The following MEI4 variants were observed in gnomAD, a reference collection of about 807,000 sequenced individuals.
The protein encoded by MEI4 is meiosis-specific protein MEI4.
In MEI4, 27 loss-of-function variants were observed where a neutral mutation model predicts 31.4. The ratio of observed to expected loss-of-function variants is 0.86; its 90% CI spans 0.63 to 1.19. The LOEUF is 1.19. Ranked by LOEUF, MEI4 falls within the 50% of genes most tolerant of loss-of-function variation. MEI4 has a pLI of 0.00. For missense variants in MEI4, 329 were observed against 398.9 expected, an observed-to-expected ratio of 0.82 and a Z score of 1.49; for synonymous variants, 122 against 145.4, an observed-to-expected ratio of 0.84 and a Z score of 1.16.
chr6:77,792,078 GT>G (rs1156230674), intron 3 of MEI4, among the ~76,000 whole-genome samples: 1 of 152,098 alleles, frequency 6.6e-6, no homozygotes, highest in East Asian at 1.9e-4. Flanking sequence ...TTCACCTAAT[GT>G]AATGTCCTCC....
At chr6:77,730,853 C>T (rs540463753) in intron 2 of MEI4, among the ~76,000 whole-genome samples, 10 of 149,654 alleles carry the variant, frequency 6.7e-5, no homozygotes, top group African/African-American at 9.9e-5. Context: ...GTTCAATTCC[C>T]GCCTATGAGT....
intron 4 of MEI4, among the ~76,000 whole-genome samples, chr6:77,872,102 CT>C (rs1166299449): frequency 6.6e-6 from 1 of 152,148 alleles, no homozygotes. Flanking sequence ...ACCAATATTT[CT>C]TCAGCTCCCT....
At chr6:77,794,290 G>A (rs571182644) in intron 3 of MEI4, among the ~76,000 whole-genome samples, 36 of 152,204 alleles carry the variant, frequency 2.4e-4, no homozygotes, top group African/African-American at 8.4e-4. Flanking sequence ...CAGGCCAGGC[G>A]CGGTGGCTGA....
At chr6:77,828,524 T>C (rs529789874) in intron 3 of MEI4, among the ~76,000 whole-genome samples, 4 of 152,016 alleles carry the variant, frequency 2.6e-5, no homozygotes, top group African/African-American at 9.6e-5. Context: ...CATGGAAAAA[T>C]TGTCTTCCAC....
At chr6:77,678,023 C>T (rs1014041612) in intron 1 of MEI4, among the ~76,000 whole-genome samples, 2 of 152,280 alleles carry the variant, frequency 1.3e-5, no homozygotes, top group East Asian at 3.9e-4. Context: ...GAAAAATTTT[C>T]ATGGTTTTAA....
At chr6:77,902,206 C>T (rs567984819) in intron 4 of MEI4, among the ~76,000 whole-genome samples, 5 of 152,038 alleles carry the variant, frequency 3.3e-5, no homozygotes, top group East Asian at 3.9e-4. Flanking sequence ...TAGCTCTTCA[C>T]GATTATTAAA....
chr6:77,911,945 T>C (rs1766444185), intron 4 of MEI4, among the ~76,000 whole-genome samples: 1 of 151,894 alleles, frequency 6.6e-6, no homozygotes, highest in African/African-American at 2.4e-5. Flanking sequence ...TTCTTCTAGT[T>C]GTTTCATAGC....
At chr6:77,730,867 A>T (rs1766966989) in intron 2 of MEI4, among the ~76,000 whole-genome samples, 1 of 147,428 alleles carries the variant, frequency 6.8e-6, no homozygotes, top group Admixed American at 7.0e-5. Flanking sequence ...TATGAGTGAG[A>T]ATATGCAGTG....
intron 3 of MEI4, among the ~76,000 whole-genome samples, chr6:77,775,073 T>C (rs1768404982): frequency 6.6e-6 from 1 of 152,136 alleles, no homozygotes. Context: ...CTAATATCTC[T>C]CTGCCTCTCT....
intron 4 of MEI4, among the ~76,000 whole-genome samples, chr6:77,917,040 G>T (rs569346391): frequency 1.3e-5 from 2 of 150,708 alleles, no homozygotes. Context: ...TTGTTCTTGC[G>T]ATAGTTTACT....
chr6:77,727,821 C>G (rs1273160864), intron 2 of MEI4, among the ~76,000 whole-genome samples: 1 of 152,178 alleles, frequency 6.6e-6, no homozygotes, highest in Non-Finnish European at 1.5e-5. Context: ...ATGTTCTGGT[C>G]ACAGTAAGGC....
chr6:77,674,810 C>T (rs1439612206), intron 1 of MEI4, among the ~76,000 whole-genome samples: 2 of 152,120 alleles, frequency 1.3e-5, no homozygotes, highest in Non-Finnish European at 2.9e-5. Context: ...TCCTCCTTCA[C>T]CTGCAGAAGT....
intron 3 of MEI4, among the ~76,000 whole-genome samples, chr6:77,775,338 C>A (rs1191610127): frequency 6.6e-6 from 1 of 152,098 alleles, no homozygotes; most frequent in Non-Finnish European, 1.5e-5. Flanking sequence ...CATTCCCCTC[C>A]CACCCTTTCC....
At chr6:77,892,000 C>A (rs2127732357) in intron 4 of MEI4, among the ~76,000 whole-genome samples, 1 of 152,324 alleles carries the variant, frequency 6.6e-6, no homozygotes, top group African/African-American at 2.4e-5. Flanking sequence ...TCCTTGGGCA[C>A]AGGTTTGCCA....
Position 77,874,803 on chromosome 6 carries a change from T to C in MEI4, c.900+45741T>C, listed in dbSNP as rs554573448. Among the ~76,000 whole-genome samples, 211 of 152,218 alleles carry C rather than the reference T, an allele frequency of 1.4e-3. 1 individual carries two copies. Among genetic ancestry groups the C allele is most frequent in the African/African-American group, 4.5e-3 (185 of 41,516 alleles). On this transcript the variant is annotated intron_variant, in intron 4 of 4. Transcript: ENST00000684080. ...CCATCAGTACCTAATTTGTTGAGAGTTTTTAGCATGAAGAGTTGTTGAATT... is the reference window on the plus strand; with the variant it reads ...CCATCAGTACCTAATTTGTTGAGAGCTTTTAGCATGAAGAGTTGTTGAATT...
At chr6:77,884,866 GA>G (rs1771582524) in intron 4 of MEI4, among the ~76,000 whole-genome samples, 1 of 152,040 alleles carries the variant, frequency 6.6e-6, no homozygotes, top group African/African-American at 2.4e-5. Context: ...CAAATATTAG[GA>G]TTTTTTTTCT....
intron 3 of MEI4, among the ~76,000 whole-genome samples, chr6:77,817,185 A>AT (rs563184951): frequency 1.3e-5 from 2 of 152,096 alleles, no homozygotes; most frequent in Admixed American, 1.3e-4. Flanking sequence ...TAAGGGCAGA[A>AT]TTTTTTTCTA....
intron 4 of MEI4, among the ~76,000 whole-genome samples, chr6:77,871,647 G>A (rs1771195844): frequency 6.6e-6 from 1 of 151,942 alleles, no homozygotes; most frequent in Non-Finnish European, 1.5e-5. Flanking sequence ...CTCAGCACCA[G>A]GCAATATACA....
At position 77,924,486 on chromosome 6, in the gene MEI4, ATATC is replaced by A. The variant is rs1371677226; in HGVS notation, c.*1145_*1148del. The A allele has an allele frequency of 2.6e-5, 4 of 151,726 alleles. No homozygotes were observed. Among genetic ancestry groups the A allele is most frequent in the South Asian group, 2.1e-4 (1 of 4,822 alleles). 9.4% of individuals were successfully genotyped at this position (151,726 alleles called of 1,614,324 possible). A position where few individuals can be genotyped will look rare whatever the true frequency, so the allele number is the denominator to read the frequency against. Reference sequence around the variant, plus strand: ...TGACAGATAGATAATCAATCACAAAATATCTATCAGTGGCATACAACAATAATAT... The same window carrying A: ...TGACAGATAGATAATCAATCACAAAATATCAGTGGCATACAACAATAATAT... On this transcript the variant is annotated 3_prime_UTR_variant, in exon 5 of 5. Coordinates refer to ENST00000684080, the MANE Select transcript of MEI4 (RefSeq NM_001322247.2).
Sources: gnomAD v4.1 joint callset for allele counts (sites outside exome capture counted in the v4.1 genomes callset) on GRCh38, gnomAD v4.1.1 for gene constraint, MANE v1.5 for transcripts, NCBI Gene and HGNC (gene_info 2026-07-23, HGNC 2026-07-21) for gene names.